SLC35F1: variants seen among roughly 807,000 people sequenced by gnomAD.
SLC35F1 encodes the protein solute carrier family 35 member F1.
Under a neutral mutation model 48.7 loss-of-function variants are expected in SLC35F1, and 14 were observed. The observed-to-expected ratio is 0.29, with a 90% CI of 0.19 to 0.45. SLC35F1 has a LOEUF of 0.45. SLC35F1 is among the 20% of genes least tolerant of loss of function. The pLI, the probability that SLC35F1 is intolerant of heterozygous loss-of-function variation, is 1.00. For synonymous variants in SLC35F1, 190 were observed against 202.2 expected, an observed-to-expected ratio of 0.94 and a Z score of 0.51; for missense variants, 404 against 500.0, an observed-to-expected ratio of 0.81 and a Z score of 1.83.
In SLC35F1 at chr6:117,936,647, G is replaced by A. The variant is rs537619722; in HGVS notation, c.173+28748G>A. Among the ~76,000 whole-genome samples, 4 of 152,098 alleles carry A rather than the reference G, an allele frequency of 2.6e-5. No individual in the cohort carries two copies. The East Asian group carries it at 7.7e-4, about 29-fold the overall frequency. On this transcript the variant is annotated intron_variant, in intron 1 of 7. Transcript: ENST00000360388. ...TATTCTTTTTAAAAACAGATTTTTG[G>A]TATTTTTAGGAAATTGAGGTGGGAG... is the stretch of plus-strand genomic sequence containing the variant.
At chr6:117,984,414 G>A (rs1413007813) in intron 1 of SLC35F1, among the ~76,000 whole-genome samples, 3 of 151,576 alleles carry the variant, frequency 2.0e-5, no homozygotes, top group African/African-American at 7.3e-5. Flanking sequence ...CAGGAGAATG[G>A]CGTGAACCTC....
At chr6:118,253,260 G>A (rs545836374) in intron 3 of SLC35F1, among the ~76,000 whole-genome samples, 72 of 152,218 alleles carry the variant, frequency 4.7e-4, no homozygotes, top group African/African-American at 1.7e-3. Context: ...GAAGAGGCCC[G>A]AGGGATGGAA....
rs114265034 is a variant in SLC35F1, at chr6:118,082,087, G to A, written c.174-72358G>A. On this transcript the variant is annotated intron_variant, in intron 1 of 7. Transcript: ENST00000360388. ...AAAACAGATAATTTCTAAACCACAA[G>A]ACTGCATATGAAATGCTTACATAGC... 6.6e-3 allele frequency among the ~76,000 whole-genome samples: 998 copies of A among 152,278 alleles called. 9 individuals carry two copies. The highest frequency in any genetic ancestry group is 0.023 in the African/African-American group (972 of 41,550).
At chr6:118,196,715 T>G (rs141262095) in intron 2 of SLC35F1, among the ~76,000 whole-genome samples, 1,852 of 152,096 alleles carry the variant, frequency 0.012, 27 homozygotes, top group African/African-American at 0.041. Context: ...AGAGTGAGAC[T>G]CTGTCTCAAA....
At chr6:118,032,700 G>A (rs1365870175) in intron 1 of SLC35F1, among the ~76,000 whole-genome samples, 5 of 152,160 alleles carry the variant, frequency 3.3e-5, no homozygotes, top group Non-Finnish European at 7.4e-5. Flanking sequence ...AAAGCTATTT[G>A]ATATTATACA....
intron 1 of SLC35F1, among the ~76,000 whole-genome samples, chr6:118,099,538 C>A (rs1049692048): frequency 1.2e-4 from 18 of 151,814 alleles, no homozygotes; most frequent in Non-Finnish European, 2.4e-4. Context: ...CTGTTCCCCC[C>A]AAGAATTCCT....
intron 2 of SLC35F1, among the ~76,000 whole-genome samples, chr6:118,160,529 G>A (rs895557314): frequency 3.3e-5 from 5 of 151,654 alleles, no homozygotes; most frequent in South Asian, 2.1e-4. Context: ...TTTTTTCAAA[G>A]AAAGAATACT....
chr6:118,256,205 G>GGTGTGTGTGT (rs71554895), intron 3 of SLC35F1, among the ~76,000 whole-genome samples: 33 of 143,218 alleles, frequency 2.3e-4, no homozygotes, highest in African/African-American at 7.5e-4. Context: ...GAAGACTTCT[G>GGTGTGTGTGT]GTGTGTGTGT....
At position 117,934,652 on chromosome 6, in the gene SLC35F1, CAT is replaced by C. The variant is rs1776142331; in HGVS notation, c.173+26756_173+26757del. On this transcript the variant is annotated intron_variant, in intron 1 of 7. Coordinates refer to ENST00000360388, the MANE Select transcript of SLC35F1 (RefSeq NM_001029858.4). Reference sequence around the variant, plus strand: ...ATTTGGTTAAGATATAAATATCAAACATATGAATTAGACAAACCATTATATTT... The same window carrying C: ...ATTTGGTTAAGATATAAATATCAAACATGAATTAGACAAACCATTATATTT... Among the ~76,000 whole-genome samples, 4 of 152,122 alleles carry C rather than the reference CAT, an allele frequency of 2.6e-5. 1 individual carries two copies. The South Asian group carries it at 8.3e-4, about 32-fold the overall frequency.
chr6:118,084,644 G>T (rs955264000), intron 1 of SLC35F1, among the ~76,000 whole-genome samples: 13 of 152,050 alleles, frequency 8.5e-5, no homozygotes, highest in Non-Finnish European at 1.8e-4. Flanking sequence ...CCAAACTAGG[G>T]GGTTTCAAAG....
intron 1 of SLC35F1, among the ~76,000 whole-genome samples, chr6:118,058,414 A>G (rs1328444545): frequency 1.3e-5 from 2 of 152,102 alleles, no homozygotes; most frequent in Admixed American, 1.3e-4. Flanking sequence ...TTATTTCCAG[A>G]CATTTGTTTC....
At position 118,053,615 on chromosome 6, in the gene SLC35F1, C is replaced by T. The variant is rs538628110; in HGVS notation, c.174-100830C>T. Among the ~76,000 whole-genome samples, 11 of 152,194 alleles carry T rather than the reference C, an allele frequency of 7.2e-5. No individual in the cohort carries two copies. The East Asian group carries it at 1.5e-3, about 21-fold the overall frequency. ...AACATATAACTTAATATTTATTTTTCACTTAATGGTGTATGGTTAACATTT... is the reference window on the plus strand; with the variant it reads ...AACATATAACTTAATATTTATTTTTTACTTAATGGTGTATGGTTAACATTT... On this transcript the variant is annotated intron_variant, in intron 1 of 7. Coordinates refer to ENST00000360388, the MANE Select transcript of SLC35F1 (RefSeq NM_001029858.4).
At chr6:118,161,605 C>T (rs1774235614) in intron 2 of SLC35F1, among the ~76,000 whole-genome samples, 1 of 152,174 alleles carries the variant, frequency 6.6e-6, no homozygotes, top group Non-Finnish European at 1.5e-5. Context: ...CTTGGCAAAT[C>T]TCCACCCCTA....
intron 7 of SLC35F1, among the ~76,000 whole-genome samples, chr6:118,288,173 A>T (rs777215410): frequency 2.0e-5 from 3 of 152,186 alleles, no homozygotes. Flanking sequence ...ATACTTGTAG[A>T]TTCACGTGCA....
intron 1 of SLC35F1, among the ~76,000 whole-genome samples, chr6:117,948,876 G>T (rs147499141): frequency 6.6e-6 from 1 of 151,922 alleles, no homozygotes; most frequent in Non-Finnish European, 1.5e-5. Context: ...AGAGTTTCTC[G>T]GGGACTAAGA....
intron 1 of SLC35F1, among the ~76,000 whole-genome samples, chr6:118,036,428 C>G (rs1772132412): frequency 6.6e-6 from 1 of 152,026 alleles, no homozygotes; most frequent in African/African-American, 2.4e-5. Context: ...TGTTTTAAAT[C>G]CAAGTCTATG....
chr6:117,937,673 TATA>T (rs1473570773), intron 1 of SLC35F1, among the ~76,000 whole-genome samples: 4 of 152,138 alleles, frequency 2.6e-5, no homozygotes, highest in Non-Finnish European at 5.9e-5. Flanking sequence ...GTAGAAGAAT[TATA>T]ATGATTGGAT....
intron 1 of SLC35F1, among the ~76,000 whole-genome samples, chr6:118,038,421 T>G (rs1772165203): frequency 6.6e-6 from 1 of 151,968 alleles, no homozygotes; most frequent in Non-Finnish European, 1.5e-5. Flanking sequence ...TCTGAAACTG[T>G]CTTTATTTTG....
At chr6:118,241,461 TC>T (rs1562336564) in intron 3 of SLC35F1, among the ~76,000 whole-genome samples, 1 of 152,174 alleles carries the variant, frequency 6.6e-6, no homozygotes, top group Non-Finnish European at 1.5e-5. Context: ...AAATATAAGA[TC>T]CTTTGAACCC....
Sources: allele counts gnomAD v4.1 joint callset (sites outside exome capture counted in the v4.1 genomes callset), GRCh38; gene constraint gnomAD v4.1.1; transcripts MANE v1.5; gene names NCBI Gene and HGNC (gene_info 2026-07-23, HGNC 2026-07-21).